FTO: variants seen among roughly 807,000 people sequenced by gnomAD.
FTO encodes the protein alpha-ketoglutarate-dependent dioxygenase FTO.
In FTO, 47 loss-of-function variants were observed where a neutral mutation model predicts 63.9. The observed-to-expected ratio is 0.74, with a 90% CI of 0.58 to 0.94. FTO has a LOEUF of 0.94. FTO is among the 40% of genes least tolerant of loss of function. The pLI, the probability that FTO is intolerant of heterozygous loss-of-function variation, is 0.00. For missense variants in FTO, 562 were observed against 618.1 expected, an observed-to-expected ratio of 0.91 and a Z score of 0.96; for synonymous variants, 207 against 224.4, an observed-to-expected ratio of 0.92 and a Z score of 0.69.
At chr16:54,013,254 A>G in intron 8 of FTO, 1 of 160,116 alleles carries the variant, frequency 6.2e-6, no homozygotes, top group Non-Finnish European at 1.4e-5. Flanking sequence ...AAATAGCAAA[A>G]GAACTAGACT....
chr16:54,051,596 T>G (rs941207093), intron 8 of FTO, among the ~76,000 whole-genome samples: 10 of 152,230 alleles, frequency 6.6e-5, no homozygotes, highest in Admixed American at 5.9e-4. Context: ...CCCCCTCAGT[T>G]TCTGAGGACC....
chr16:53,750,130 C>T (rs2151567077), intron 1 of FTO, among the ~76,000 whole-genome samples: 1 of 152,228 alleles, frequency 6.6e-6, no homozygotes, highest in Non-Finnish European at 1.5e-5. Flanking sequence ...TTGCATTTGG[C>T]ATGTTTAATT....
At chr16:53,894,591 T>A (rs1020623431) in intron 7 of FTO, among the ~76,000 whole-genome samples, 4 of 151,804 alleles carry the variant, frequency 2.6e-5, no homozygotes, top group Non-Finnish European at 5.9e-5. Flanking sequence ...AATATAAATA[T>A]CGAATTTTTT....
chr16:53,809,681 C>T (rs1265757518), intron 1 of FTO, among the ~76,000 whole-genome samples: 1 of 152,126 alleles, frequency 6.6e-6, no homozygotes, highest in Non-Finnish European at 1.5e-5. Flanking sequence ...ATGACTCATG[C>T]CTGTAATCCC....
At chr16:54,070,040 C>T (rs1361124420) in intron 8 of FTO, 5 of 151,928 alleles carry the variant, frequency 3.3e-5, no homozygotes, top group African/African-American at 1.2e-4. Context: ...CAGGTTATCT[C>T]ATTAAATGAG....
intron 2 of FTO, among the ~76,000 whole-genome samples, chr16:53,811,575 C>G (rs11642841): frequency 1.3e-5 from 2 of 151,890 alleles, no homozygotes; most frequent in African/African-American, 4.8e-5. Context: ...TCTTTGCCCC[C>G]CTTCATCCTT....
intron 1 of FTO, among the ~76,000 whole-genome samples, chr16:53,717,033 A>G (rs1001233163): frequency 6.6e-6 from 1 of 151,708 alleles, no homozygotes; most frequent in Admixed American, 6.6e-5. Context: ...TATTTTTTTC[A>G]TATAATTCCA....
At chr16:53,924,235 C>T (rs922112174) in intron 7 of FTO, among the ~76,000 whole-genome samples, 6 of 152,178 alleles carry the variant, frequency 3.9e-5, no homozygotes, top group African/African-American at 1.4e-4. Context: ...TTCACAAGAG[C>T]TTCACGAGTT....
At chr16:54,041,468 T>C (rs1438802876) in intron 8 of FTO, among the ~76,000 whole-genome samples, 1 of 152,160 alleles carries the variant, frequency 6.6e-6, no homozygotes, top group Non-Finnish European at 1.5e-5. Context: ...TGTTAAACTT[T>C]AAGCAAACTC....
chr16:53,727,082 C>T (rs755312748), intron 1 of FTO, among the ~76,000 whole-genome samples: 4 of 152,140 alleles, frequency 2.6e-5, no homozygotes, highest in Non-Finnish European at 5.9e-5. Context: ...CTCTCTTTCT[C>T]TTTTTATTTT....
At chr16:53,712,817 A>G (rs1453718535) in intron 1 of FTO, among the ~76,000 whole-genome samples, 2 of 152,154 alleles carry the variant, frequency 1.3e-5, no homozygotes, top group Middle Eastern at 3.2e-3. Flanking sequence ...AGCATCTGTT[A>G]TGTGATATAT....
In FTO at chr16:53,847,709, A is replaced by C. The variant is rs1444409509; in HGVS notation, c.895+3411A>C. On this transcript the variant is annotated intron_variant, in intron 4 of 8. Coordinates refer to ENST00000471389, the MANE Select transcript of FTO (RefSeq NM_001080432.3). ...CTTGAACCCGGGAGGCAGAGGTTGC[A>C]ATGAGCCGAGATCACGCCATTGCAC... 2.0e-5 allele frequency among the ~76,000 whole-genome samples: 3 copies of C among 151,960 alleles called. No homozygotes were observed. The East Asian group carries it at 5.8e-4, about 29-fold the overall frequency.
chr16:53,977,032 T>C (rs1212305820), intron 8 of FTO, among the ~76,000 whole-genome samples: 2 of 152,184 alleles, frequency 1.3e-5, no homozygotes, highest in Non-Finnish European at 2.9e-5. Context: ...TAATGTTAAC[T>C]AGTAGTAGGG....
At chr16:54,049,601 A>T (rs1212559339) in intron 8 of FTO, among the ~76,000 whole-genome samples, 1 of 152,228 alleles carries the variant, frequency 6.6e-6, no homozygotes, top group Non-Finnish European at 1.5e-5. Context: ...TACCAGATGA[A>T]ATGAAATACT....
At chr16:54,106,289 C>A (rs1020883275) in intron 8 of FTO, among the ~76,000 whole-genome samples, 2 of 151,968 alleles carry the variant, frequency 1.3e-5, no homozygotes, top group African/African-American at 4.8e-5. Flanking sequence ...AATCTGCTAG[C>A]AGCCAGCCAA....
intron 4 of FTO, among the ~76,000 whole-genome samples, chr16:53,860,447 T>G (rs139599159): frequency 6.6e-6 from 1 of 152,310 alleles, no homozygotes; most frequent in African/African-American, 2.4e-5. Context: ...TACCTGAGAC[T>G]GGGTAATTTA....
At chr16:53,943,297 C>T (rs186992446) in intron 8 of FTO, among the ~76,000 whole-genome samples, 1 of 152,298 alleles carries the variant, frequency 6.6e-6, no homozygotes, top group Non-Finnish European at 1.5e-5. Flanking sequence ...ACCATTGTTA[C>T]TGTCATTATT....
At chr16:53,939,882 G>T (rs2082486969) in intron 8 of FTO, among the ~76,000 whole-genome samples, 1 of 152,104 alleles carries the variant, frequency 6.6e-6, no homozygotes, top group Admixed American at 6.6e-5. Context: ...CAGTTGGGTT[G>T]TTGGACAGTA....
chr16:53,806,885 C>T (rs552836874), intron 1 of FTO, among the ~76,000 whole-genome samples: 9 of 152,274 alleles, frequency 5.9e-5, no homozygotes, highest in South Asian at 4.1e-4. Context: ...ACTGGTTACC[C>T]TCTCTAAGTA....
Sources: allele counts gnomAD v4.1 joint callset (sites outside exome capture counted in the v4.1 genomes callset), GRCh38; gene constraint gnomAD v4.1.1; transcripts MANE v1.5; gene names NCBI Gene and HGNC (gene_info 2026-07-23, HGNC 2026-07-21).